PATJ: variants seen among roughly 807,000 people sequenced by gnomAD.
The protein encoded by PATJ is PATJ crumbs cell polarity complex component, also known as inaD-like protein.
A neutral mutation model predicts 224.9 loss-of-function variants in PATJ; 190 were observed. The observed-to-expected ratio is 0.84, with a 90% CI of 0.75 to 0.95. The LOEUF is 0.95. Among genes scored for constraint, PATJ ranks in the 40% least tolerant of loss-of-function variants. The pLI is 0.00. For missense variants in PATJ, 2,121 were observed against 2,270.3 expected, an observed-to-expected ratio of 0.93 and a Z score of 1.34; for synonymous variants, 769 against 820.3, an observed-to-expected ratio of 0.94 and a Z score of 1.07.
chr1:62,148,992 G>C (rs1280902928), intron 42 of PATJ, among the ~76,000 whole-genome samples: 1 of 151,968 alleles, frequency 6.6e-6, no homozygotes, highest in Non-Finnish European at 1.5e-5. Context: ...GCCAGGCGTA[G>C]TAGCGGGCAC....
intron 27 of PATJ, among the ~76,000 whole-genome samples, chr1:61,970,730 A>T (rs1446286768): frequency 6.6e-6 from 1 of 152,052 alleles, no homozygotes; most frequent in Non-Finnish European, 1.5e-5. Context: ...CTAACCTCAC[A>T]CTAACGCCTG....
intron 28 of PATJ, among the ~76,000 whole-genome samples, chr1:61,992,840 CT>C (rs1645147652): frequency 6.6e-6 from 1 of 152,164 alleles, no homozygotes; most frequent in Non-Finnish European, 1.5e-5. Context: ...TGTCTCGATT[CT>C]TTTGGTTATT....
At chr1:61,919,211 T>A (rs1005182288) in intron 26 of PATJ, among the ~76,000 whole-genome samples, 1 of 152,096 alleles carries the variant, frequency 6.6e-6, no homozygotes, top group Non-Finnish European at 1.5e-5. Flanking sequence ...TTCATTCCCC[T>A]TTTTCACCCC....
intron 25 of PATJ, 94 bp from the exon 26 acceptor site, chr1:61,914,493 A>G: frequency 1.7e-6 from 1 of 590,836 alleles, no homozygotes; most frequent in Non-Finnish European, 3.0e-6. Context: ...TGATTGAAAA[A>G]AAATTCTCCA....
chr1:62,106,059 A>AAT (rs1662882983), intron 33 of PATJ, among the ~76,000 whole-genome samples: 1 of 41,174 alleles, frequency 2.4e-5, no homozygotes, highest in African/African-American at 9.2e-5. Flanking sequence ...AAAAAAAAAA[A>AAT]AAAAATATAT....
chr1:62,012,759 C>T (rs1188852849), intron 28 of PATJ, among the ~76,000 whole-genome samples: 1 of 151,994 alleles, frequency 6.6e-6, no homozygotes, highest in Non-Finnish European at 1.5e-5. Context: ...AGAGACCTCT[C>T]CTAAAAGCGA....
At chr1:62,013,989 G>C (rs895276271) in intron 28 of PATJ, among the ~76,000 whole-genome samples, 1 of 152,174 alleles carries the variant, frequency 6.6e-6, no homozygotes, top group Non-Finnish European at 1.5e-5. Flanking sequence ...GGCCAGGCTG[G>C]TCTTGAGTTC....
intron 7 of PATJ, among the ~76,000 whole-genome samples, chr1:61,777,806 C>G (rs1276810452): frequency 6.8e-6 from 1 of 147,364 alleles, no homozygotes; most frequent in African/African-American, 2.5e-5. Context: ...CTCCCAGGCT[C>G]AAGCAGTCCT....
At chr1:61,966,709 T>C (rs1432910654) in intron 27 of PATJ, among the ~76,000 whole-genome samples, 1 of 145,918 alleles carries the variant, frequency 6.9e-6, no homozygotes, top group Non-Finnish European at 1.5e-5. Flanking sequence ...AAAAAGCAAG[T>C]TTATTAGGAA....
At chr1:61,997,809 TGTTTTGTTTTGTTTTA>T (rs1330721080) in intron 28 of PATJ, among the ~76,000 whole-genome samples, 11 of 115,068 alleles carry the variant, frequency 9.6e-5, no homozygotes, top group Non-Finnish European at 1.5e-4. Context: ...TGTTTTGTTT[TGTTTTGTTTTGTTTTA>T]AAAAAAAAAA....
At chr1:62,142,493 T>G (rs1667605520) in intron 41 of PATJ, among the ~76,000 whole-genome samples, 1 of 152,136 alleles carries the variant, frequency 6.6e-6, no homozygotes, top group African/African-American at 2.4e-5. Context: ...CTTATGACAG[T>G]TTTAGATTCG....
chr1:61,869,936 G>A (rs910219384), intron 20 of PATJ, among the ~76,000 whole-genome samples: 1 of 152,234 alleles, frequency 6.6e-6, no homozygotes, highest in African/African-American at 2.4e-5. Context: ...TAGGGGAGGT[G>A]CGTGCAATCC....
chr1:61,897,458 G>T (rs1303155640), intron 22 of PATJ, among the ~76,000 whole-genome samples: 1 of 152,126 alleles, frequency 6.6e-6, no homozygotes, highest in South Asian at 2.1e-4. Flanking sequence ...TTGTCATCAG[G>T]GTCTTAAATA....
chr1:62,144,642 A>G (rs1396157720), intron 41 of PATJ, among the ~76,000 whole-genome samples: 4 of 151,836 alleles, frequency 2.6e-5, no homozygotes, highest in Non-Finnish European at 5.9e-5. Context: ...TAGATGAGGA[A>G]GCTGAAACTC....
chr1:61,923,838 C>T (rs1465119495), intron 26 of PATJ, among the ~76,000 whole-genome samples: 1 of 148,494 alleles, frequency 6.7e-6, no homozygotes, highest in East Asian at 2.0e-4. Flanking sequence ...AGGAGACTCG[C>T]ATGAACCCAG....
At chr1:61,934,882 C>A (rs138136300) in intron 27 of PATJ, among the ~76,000 whole-genome samples, 34 of 152,284 alleles carry the variant, frequency 2.2e-4, no homozygotes, top group African/African-American at 7.7e-4. Context: ...GATACTCTTT[C>A]TGCCGAACCG....
At chr1:62,031,626 A>C (rs1206786131) in intron 29 of PATJ, among the ~76,000 whole-genome samples, 1 of 152,194 alleles carries the variant, frequency 6.6e-6, no homozygotes, top group Non-Finnish European at 1.5e-5. Context: ...TGCGTATATG[A>C]GAGAAGGAGA....
chr1:61,880,175 T>G (rs1667902418), intron 21 of PATJ, among the ~76,000 whole-genome samples: 1 of 152,216 alleles, frequency 6.6e-6, no homozygotes, highest in African/African-American at 2.4e-5. Context: ...TTTTCCTTCT[T>G]AGACCTTACC....
intron 14 of PATJ, among the ~76,000 whole-genome samples, chr1:61,814,287 G>A (rs895768933): frequency 1.3e-5 from 2 of 151,858 alleles, no homozygotes; most frequent in Admixed American, 1.3e-4. Context: ...GGGATTACAG[G>A]CACCTGCTAT....
Sources: gnomAD v4.1 joint callset for allele counts (sites outside exome capture counted in the v4.1 genomes callset) on GRCh38, gnomAD v4.1.1 for gene constraint, MANE v1.5 for transcripts, NCBI Gene and HGNC (gene_info 2026-07-23, HGNC 2026-07-21) for gene names.